The following CASZ1 variants were observed in gnomAD, a reference collection of about 807,000 sequenced individuals.
The protein encoded by CASZ1 is zinc finger protein castor homolog 1.
A neutral mutation model predicts 135.2 loss-of-function variants in CASZ1; 28 were observed. The ratio of observed to expected loss-of-function variants is 0.21; its 90% CI spans 0.15 to 0.28. The LOEUF (loss-of-function observed/expected upper bound fraction) is 0.28. Ranked by LOEUF, CASZ1 falls within the 10% of genes least tolerant of loss-of-function variation. The pLI is 1.00. For synonymous variants in CASZ1, 1,068 were observed against 1,073.4 expected, an observed-to-expected ratio of 0.99 and a Z score of 0.10; for missense variants, 2,161 against 2,453.3, an observed-to-expected ratio of 0.88 and a Z score of 2.52.
chr1:10,785,442 G>T (rs902203770), intron 1 of CASZ1, among the ~76,000 whole-genome samples: 1 of 152,118 alleles, frequency 6.6e-6, no homozygotes, highest in Non-Finnish European at 1.5e-5. Flanking sequence ...GAGTGTTTTG[G>T]CATAGCACAG....
intron 4 of CASZ1, among the ~76,000 whole-genome samples, chr1:10,690,377 C>T (rs1325837481): frequency 6.6e-6 from 1 of 152,194 alleles, no homozygotes; most frequent in Non-Finnish European, 1.5e-5. Flanking sequence ...GCTCTCTCAG[C>T]TTAGACACCG....
At position 10,713,793 on chromosome 1, in the gene CASZ1, G is replaced by C. The variant is rs757658547; in HGVS notation, c.-76-8249C>G. 2.0e-5 allele frequency among the ~76,000 whole-genome samples: 3 copies of C among 152,348 alleles called. No homozygotes were observed. In the East Asian group the frequency reaches 5.8e-4, roughly 29 times the overall value. On this transcript the variant is annotated intron_variant, in intron 2 of 20. Transcript: ENST00000377022. ...CCACCTCTCACATGCTTGAGCCAGA[G>C]AGCCCTGCCGGGTTGGCATTGCTGG...
Position 10,724,306 on chromosome 1 carries a change from C to T in CASZ1, c.-76-18762G>A, listed in dbSNP as rs529177657. ...ACCTTTCTGAGGAAATCAAAGTGAA[C>T]GCAACTGTTACCAAGTCACTACTAA... On this transcript the variant is annotated intron_variant, in intron 2 of 20. Transcript: ENST00000377022. This position sits in a 1 kb window ranked among gnomAD's most constrained non-coding sequence, Gnocchi z 4.1. Among the ~76,000 whole-genome samples, 11 of 152,328 alleles carry T rather than the reference C, an allele frequency of 7.2e-5. No individual in the cohort carries two copies. Among genetic ancestry groups the T allele is most frequent in the South Asian group, 2.1e-4 (1 of 4,828 alleles).
chr1:10,723,287 T>C (rs985492389), intron 2 of CASZ1, among the ~76,000 whole-genome samples: 4 of 152,044 alleles, frequency 2.6e-5, no homozygotes, highest in Non-Finnish European at 5.9e-5. Flanking sequence ...GCACAGTGAG[T>C]GGGGGCAGGC....
At chr1:10,663,541 G>A (rs1313027686) in intron 5 of CASZ1, among the ~76,000 whole-genome samples, 1 of 152,222 alleles carries the variant, frequency 6.6e-6, no homozygotes, top group African/African-American at 2.4e-5. Context: ...CCAGGGAAAG[G>A]GGCTAAAAAT....
At position 10,650,893 on chromosome 1, in the gene CASZ1, C is replaced by T. The variant is rs144774131; in HGVS notation, c.2816+48G>A. 33 of 1,606,818 alleles carry T rather than the reference C, an allele frequency of 2.1e-5. No individual in the cohort carries two copies. In the East Asian group the frequency reaches 4.0e-4, roughly 20 times the overall value. On this transcript the variant is annotated intron_variant, in intron 12 of 20. Transcript: ENST00000377022. ...GCGGGACCACCCCGGGGCTCCAGCT[C>T]GAAGGTGTGGTTCCCGGGGCTGGCT... is the stretch of plus-strand genomic sequence containing the variant.
intron 3 of CASZ1, chr1:10,704,493 G>C (rs1464103616): frequency 6.6e-6 from 1 of 152,260 alleles, no homozygotes; most frequent in Non-Finnish European, 1.5e-5. Flanking sequence ...AGACAATGCT[G>C]GGGGAGCCTT....
At position 10,767,393 on chromosome 1, in the gene CASZ1, C is replaced by A. The variant is rs951663578; in HGVS notation, c.-233-6536G>T. On this transcript the variant is annotated intron_variant, in intron 1 of 20. Coordinates refer to ENST00000377022, the MANE Select transcript of CASZ1 (RefSeq NM_001079843.3). This position sits in a 1 kb window ranked among gnomAD's most constrained non-coding sequence, Gnocchi z 4.2. ...CGGGTCCTATTTCCAGGTCACAGCC[C>A]TGTAAACAACCTGATTTTCCGCCTT... Among the ~76,000 whole-genome samples, 2 of 152,234 alleles carry A rather than the reference C, an allele frequency of 1.3e-5. No homozygotes were observed. The highest frequency in any genetic ancestry group is 4.8e-5 in the African/African-American group (2 of 41,474).
At chr1:10,655,867 C>T (rs1642773348) in intron 8 of CASZ1, 54 bp from the exon 9 acceptor site, 2 of 1,582,554 alleles carry the variant, frequency 1.3e-6, no homozygotes, top group African/African-American at 1.3e-5. Context: ...CTCCGCCCTT[C>T]CTCCCATATG....
rs966529402 is a variant in CASZ1, at chr1:10,774,047, C to G, written c.-233-13190G>C. The stretch of plus-strand genomic sequence containing the variant: ...CTCTGATCCCAGCACAGAGGTGGGA[C>G]CTGAGGGAGTGGGCAGGTGCCTGCA... On this transcript the variant is annotated intron_variant, in intron 1 of 20. Transcript: ENST00000377022. This position sits in a 1 kb window ranked among gnomAD's most constrained non-coding sequence, Gnocchi z 4.4. Among the ~76,000 whole-genome samples the G allele has an allele frequency of 2.0e-5, 3 of 152,132 alleles. No homozygotes were observed. The highest frequency in any genetic ancestry group is 7.2e-5 in the African/African-American group (3 of 41,438).
At position 10,757,050 on chromosome 1, in the gene CASZ1, C is replaced by T. The variant is rs1048726137; in HGVS notation, c.-77+3651G>A. Among the ~76,000 whole-genome samples, 9 of 152,142 alleles carry T rather than the reference C, an allele frequency of 5.9e-5. No homozygotes were observed. Among genetic ancestry groups the T allele is most frequent in the Non-Finnish European group, 1.2e-4 (8 of 68,032 alleles). On this transcript the variant is annotated intron_variant, in intron 2 of 20. Coordinates refer to ENST00000377022, the MANE Select transcript of CASZ1 (RefSeq NM_001079843.3). The surrounding 1 kb of genome is among the most constrained non-coding windows in gnomAD (Gnocchi z 4.6). ...GGATAGTGTGTGTCCTGGCCTGCTC[C>T]CAGGCTCACTCCTGAAAACGGTGTC...
intron 2 of CASZ1, among the ~76,000 whole-genome samples, chr1:10,713,944 AAGG>A (rs1639331445): frequency 6.6e-6 from 1 of 152,168 alleles, no homozygotes; most frequent in Admixed American, 6.5e-5. Flanking sequence ...TTCAACTTCA[AAGG>A]AGAAGAAAAT....
At chr1:10,651,190 G>T (rs1275247302) in intron 11 of CASZ1, 114 bp from the exon 12 acceptor site, 4 of 790,806 alleles carry the variant, frequency 5.1e-6, no homozygotes, top group Non-Finnish European at 7.3e-6. Context: ...CCCGGCTACT[G>T]GTCAGCGCTT....
rs1191922738 is a variant in CASZ1, at chr1:10,699,976, G to C, written c.-24+5516C>G. 6.6e-6 allele frequency among the ~76,000 whole-genome samples: 1 copy of C among 152,006 alleles called. No homozygotes were observed. Among genetic ancestry groups the C allele is most frequent in the African/African-American group, 2.4e-5 (1 of 41,382 alleles). On this transcript the variant is annotated intron_variant, in intron 3 of 20. Coordinates refer to ENST00000377022, the MANE Select transcript of CASZ1 (RefSeq NM_001079843.3). The surrounding 1 kb of genome is among the most constrained non-coding windows in gnomAD (Gnocchi z 4.6). ...CAGAAGAGAAGCAGAGACAGAGAGA[G>C]AGAAAGAGAGACAGGCAGAGAGAGA...
rs1310943690 is a variant in CASZ1 at position 10,679,127 on chromosome 1, C to T, written c.17-13556G>A. Among the ~76,000 whole-genome samples the T allele has an allele frequency of 1.3e-5, 2 of 152,218 alleles. No homozygotes were observed. The highest frequency in any genetic ancestry group is 1.9e-4 in the East Asian group (1 of 5,190). ...GGTTCAGGAGGGGTACCCGCTGCCC[C>T]GACTTCCCAGGATTCACGAGGGGAC... On this transcript the variant is annotated intron_variant, in intron 4 of 20. Transcript: ENST00000377022. The surrounding 1 kb of genome is among the most constrained non-coding windows in gnomAD (Gnocchi z 4.7).
chr1:10,743,664 T>TGGGGGG (rs146404795), intron 2 of CASZ1, among the ~76,000 whole-genome samples: 2 of 23,468 alleles, frequency 8.5e-5, no homozygotes, highest in African/African-American at 2.6e-4. Context: ...GTCTCCAAAA[T>TGGGGGG]GGGGGGGCGG....
At chr1:10,785,006 T>TCTGC (rs1017400902) in intron 1 of CASZ1, among the ~76,000 whole-genome samples, 1 of 152,214 alleles carries the variant, frequency 6.6e-6, no homozygotes, top group Non-Finnish European at 1.5e-5. Flanking sequence ...CTCCAACTTC[T>TCTGC]CTGCCTGCCT....
In CASZ1 at chr1:10,638,925, G is replaced by A. The variant is rs1570388142; in HGVS notation, c.*17C>T. On this transcript the variant is annotated 3_prime_UTR_variant, in exon 21 of 21. Coordinates refer to ENST00000377022, the MANE Select transcript of CASZ1 (RefSeq NM_001079843.3). This position sits in a 1 kb window ranked among gnomAD's most constrained non-coding sequence, Gnocchi z 5.9. ...GGCCGAGGCCGAGGCCGCCGCCAGG[G>A]CCACCCGCGGGCGCCGCTAGGGCGA... 1 of 980,910 alleles carries A rather than the reference G, an allele frequency of 1.0e-6. No homozygotes were observed. The highest frequency in any genetic ancestry group is 5.2e-4 in the Middle Eastern group (1 of 1,906). 60.8% of individuals were successfully genotyped at this position (980,910 alleles called of 1,614,324 possible).
At chr1:10,643,065 C>T (rs1642258338) in intron 19 of CASZ1, 65 bp from the exon 20 acceptor site, 1 of 1,595,026 alleles carries the variant, frequency 6.3e-7, no homozygotes. Flanking sequence ...AGAGGGCAGG[C>T]TGAGGCTCCA....
Sources: gnomAD v4.1 joint callset for allele counts (sites outside exome capture counted in the v4.1 genomes callset) on GRCh38, gnomAD v4.1.1 for gene constraint, Gnocchi (gnomAD v3.1) non-coding constraint, MANE v1.5 for transcripts, NCBI Gene and HGNC (gene_info 2026-07-23, HGNC 2026-07-21) for gene names.